Variants in GALNT12 observed in about 807,000 individuals in gnomAD.
GALNT12 encodes the protein polypeptide N-acetylgalactosaminyltransferase 12, also known as UDP-GalNAc:polypeptide N-acetylgalactosaminyltransferase 12.
Under a neutral mutation model 55.5 loss-of-function variants are expected in GALNT12, and 45 were observed. That is an observed-to-expected ratio of 0.81 (90% CI 0.64 to 1.04). GALNT12 has a LOEUF of 1.04. GALNT12 is among the 50% of genes least tolerant of loss of function. The pLI is 0.00. For synonymous variants in GALNT12, 304 were observed against 312.2 expected (o/e 0.97, Z 0.28); for missense variants, 709 against 754.8 (o/e 0.94, Z 0.71).
At chr9:98,842,702 C>T (rs1836319507) in intron 7 of GALNT12, among the ~76,000 whole-genome samples, 5 of 152,116 alleles carry the variant, frequency 3.3e-5, no homozygotes, top group Admixed American at 3.3e-4. Context: ...AGTCTGGATG[C>T]TGGCGGTGCC....
intron 9 of GALNT12, among the ~76,000 whole-genome samples, chr9:98,848,308 A>G (rs915343481): frequency 1.8e-4 from 27 of 152,106 alleles, no homozygotes; most frequent in African/African-American, 6.5e-4. Flanking sequence ...CATACAGCTT[A>G]TAACAGAGAG....
chr9:98,810,641 C>T (rs1588437702), intron 1 of GALNT12, among the ~76,000 whole-genome samples: 1 of 152,150 alleles, frequency 6.6e-6, no homozygotes, highest in Non-Finnish European at 1.5e-5. Context: ...TTTGACTCTT[C>T]CTGGTGTCAG....
chr9:98,849,405 C>T lies in GALNT12; in HGVS notation c.*313C>T, dbSNP rs796065981. ...TCTATCAAGATGTATATTTTACAGT[C>T]GTGCCTTTTACTCTCATTAGCAAAA... is the stretch of plus-strand genomic sequence containing the variant. On this transcript the variant is annotated 3_prime_UTR_variant, in exon 10 of 10. Coordinates refer to ENST00000375011, the MANE Select transcript of GALNT12 (RefSeq NM_024642.5). The T allele has an allele frequency of 1.1e-4, 58 of 551,288 alleles. No individual in the cohort carries two copies. The highest frequency in any genetic ancestry group is 6.4e-4 in the African/African-American group (34 of 53,130). 34.1% of individuals were successfully genotyped at this position (551,288 alleles called of 1,614,324 possible). A position where few individuals can be genotyped will look rare whatever the true frequency, so the allele number is the denominator to read the frequency against.
intron 7 of GALNT12, 82 bp from the exon 8 acceptor site, chr9:98,844,014 C>T: frequency 1.1e-6 from 1 of 930,354 alleles, no homozygotes. Flanking sequence ...CCTCTCATGC[C>T]AGGTACCCTC....
chr9:98,838,806 A>G (rs1192726473), intron 6 of GALNT12, among the ~76,000 whole-genome samples: 1 of 152,216 alleles, frequency 6.6e-6, no homozygotes, highest in African/African-American at 2.4e-5. Context: ...TCCTTCCAGC[A>G]ACCCTGCAGG....
intron 1 of GALNT12, among the ~76,000 whole-genome samples, chr9:98,810,353 C>T (rs1488939174): frequency 6.6e-6 from 1 of 152,114 alleles, no homozygotes; most frequent in Non-Finnish European, 1.5e-5. Flanking sequence ...TCAGGCAGAG[C>T]CACAGTCCAT....
chr9:98,821,021 T>G (rs1835723290), intron 1 of GALNT12, among the ~76,000 whole-genome samples: 1 of 152,228 alleles, frequency 6.6e-6, no homozygotes, highest in African/African-American at 2.4e-5. Flanking sequence ...AGAAATAATC[T>G]GGGGCAGAGG....
intron 3 of GALNT12, among the ~76,000 whole-genome samples, chr9:98,831,006 A>G (rs1835980876): frequency 6.6e-6 from 1 of 152,156 alleles, no homozygotes; most frequent in Non-Finnish European, 1.5e-5. Context: ...GTCTCAGTCC[A>G]TCTTTCCTGG....
At chr9:98,848,731 T>C in intron 9 of GALNT12, 1 of 598,314 alleles carries the variant, frequency 1.7e-6, no homozygotes, top group Non-Finnish European at 3.0e-6. Flanking sequence ...AGCCAGCAGG[T>C]GGCACCATCG....
At chr9:98,833,656 T>G (rs188556351) in intron 4 of GALNT12, among the ~76,000 whole-genome samples, 71 of 151,886 alleles carry the variant, frequency 4.7e-4, no homozygotes, top group African/African-American at 1.4e-3. Context: ...AGAAATTGAG[T>G]GGGAATTGGG....
chr9:98,810,240 G>A (rs1043308539), intron 1 of GALNT12, among the ~76,000 whole-genome samples: 5 of 152,084 alleles, frequency 3.3e-5, no homozygotes, highest in African/African-American at 1.2e-4. Context: ...TAAACAGAGG[G>A]ATAATGAGGG....
chr9:98,820,387 G>T lies in GALNT12; in HGVS notation c.372-2869G>T, dbSNP rs557871177. The stretch of plus-strand genomic sequence containing the variant: ...CTGCATTAGTTTGCTGAGGATGATG[G>T]CTTCTAGCTCCATCCATGTCCTTGC... On this transcript the variant is annotated intron_variant, in intron 1 of 9. Transcript: ENST00000375011. Among the ~76,000 whole-genome samples, 3 of 152,168 alleles carry T rather than the reference G, an allele frequency of 2.0e-5. No homozygotes were observed. The South Asian group carries it at 6.2e-4, about 32-fold the overall frequency.
chr9:98,817,944 C>T lies in GALNT12; in HGVS notation c.372-5312C>T, dbSNP rs566892399. Among the ~76,000 whole-genome samples, 48 of 151,964 alleles carry T rather than the reference C, an allele frequency of 3.2e-4. No homozygotes were observed. In the South Asian group the frequency reaches 0.01, roughly 32 times the overall value. On this transcript the variant is annotated intron_variant, in intron 1 of 9. Coordinates refer to ENST00000375011, the MANE Select transcript of GALNT12 (RefSeq NM_024642.5). ...AGTTTTAATTTGGAAAAATTTAAAC[C>T]TGGAGAAAATTTATGACACACCAGC...
chr9:98,820,561 G>A (rs769681663), intron 1 of GALNT12, among the ~76,000 whole-genome samples: 2 of 152,154 alleles, frequency 1.3e-5, no homozygotes, highest in Non-Finnish European at 2.9e-5. Context: ...ATGAACATGC[G>A]CGTGCATGTA....
intron 1 of GALNT12, among the ~76,000 whole-genome samples, chr9:98,810,457 G>T (rs1786742436): frequency 6.6e-6 from 1 of 151,974 alleles, no homozygotes; most frequent in Admixed American, 6.6e-5. Flanking sequence ...TAGAAATGTT[G>T]GCATGCACAG....
In GALNT12 at chr9:98,808,001, C is replaced by G. The variant is rs201926457; in HGVS notation, c.303C>G (p.His101Gln). The G allele has an allele frequency of 2.3e-4, 353 of 1,548,566 alleles. No individual in the cohort carries two copies. The highest frequency in any genetic ancestry group is 3.0e-4 in the Non-Finnish European group (341 of 1,150,524). The change falls in exon 1 of 10, where the codon CAC becomes CAG. Residue 101 changes from histidine to glutamine, a missense_variant. Transcript: ENST00000375011. ...TGCAGGAGGAGAGCGTGCGGCTGCA[C>G]CAGATTAACATCTACCTCAGCGACC... ...LRLQEESVRL[H>Q]QINIYLSDRI...
chr9:98,830,988 G>A (rs975456575), intron 3 of GALNT12, among the ~76,000 whole-genome samples: 3 of 152,134 alleles, frequency 2.0e-5, no homozygotes, highest in Admixed American at 6.5e-5. Context: ...GTGTTCACAC[G>A]TGGTCTAGTC....
At chr9:98,847,989 T>C (rs983737448) in intron 9 of GALNT12, among the ~76,000 whole-genome samples, 1 of 152,002 alleles carries the variant, frequency 6.6e-6, no homozygotes, top group Non-Finnish European at 1.5e-5. Flanking sequence ...ATTTTTTGTA[T>C]TTTTAGTAGA....
rs11467276 is a variant in GALNT12 at position 98,821,624 on chromosome 9, C to CAAAAAAAAAAAAA, written c.372-1631_372-1619dup. Among the ~76,000 whole-genome samples the CAAAAAAAAAAAAA allele has an allele frequency of 1.7e-4, 19 of 112,066 alleles. 2 individuals are homozygous for CAAAAAAAAAAAAA. Among genetic ancestry groups the CAAAAAAAAAAAAA allele is most frequent in the East Asian group, 6.1e-4 (2 of 3,270 alleles). The allele number at this position is 112,066 out of a possible 152,430, so 73.5% of individuals were successfully genotyped here. On this transcript the variant is annotated intron_variant, in intron 1 of 9. Transcript: ENST00000375011. ...TGGGCAACAGAGCGAGACTCCATCT[C>CAAAAAAAAAAAAA]AAAAAAAAAAAAAGAAAGAAATTTC...
Sources: allele counts gnomAD v4.1 joint callset (sites outside exome capture counted in the v4.1 genomes callset), GRCh38; gene constraint gnomAD v4.1.1; transcripts MANE v1.5; gene names NCBI Gene and HGNC (gene_info 2026-07-23, HGNC 2026-07-21).